Variants in CNTLN observed in about 807,000 individuals in gnomAD.
CNTLN encodes the protein centlein, centrosomal protein.
In CNTLN, 212 loss-of-function variants were observed where a neutral mutation model predicts 180.0. The observed-to-expected ratio is 1.18, with a 90% CI of 1.05 to 1.32. The LOEUF (loss-of-function observed/expected upper bound fraction) is 1.32. Ranked by LOEUF, CNTLN falls within the 40% of genes most tolerant of loss-of-function variation. The probability of loss-of-function intolerance (pLI) is 0.00; values close to 1 mark genes in which losing one functional copy is unlikely to be tolerated. For synonymous variants in CNTLN, 722 were observed against 563.1 expected, an observed-to-expected ratio of 1.28 and a Z score of -3.99; for missense variants, 2,095 against 1,610.9, an observed-to-expected ratio of 1.30 and a Z score of -5.14.
In CNTLN at chr9:17,231,421, C is replaced by CT. The variant is rs533136705; in HGVS notation, c.535-4230dup. 1.1e-4 allele frequency among the ~76,000 whole-genome samples: 17 copies of CT among 151,718 alleles called. No individual in the cohort carries two copies. The South Asian group carries it at 2.3e-3, about 20-fold the overall frequency. The stretch of plus-strand genomic sequence containing the variant: ...AATAATTATTAGTATAAAGAATTGC[C>CT]TTTTTTTGGGTAAGACTATGTTTTA... On this transcript the variant is annotated intron_variant, in intron 3 of 25. Transcript: ENST00000380647.
chr9:17,368,363 T>C (rs1445015297), intron 13 of CNTLN, among the ~76,000 whole-genome samples: 1 of 152,132 alleles, frequency 6.6e-6, no homozygotes, highest in Non-Finnish European at 1.5e-5. Flanking sequence ...TAAGGTTTTT[T>C]ACTCTACTCC....
At chr9:17,334,342 G>A (rs1396922124) in intron 10 of CNTLN, among the ~76,000 whole-genome samples, 1 of 152,036 alleles carries the variant, frequency 6.6e-6, no homozygotes, top group East Asian at 1.9e-4. Flanking sequence ...TTACAGGCGC[G>A]AGCCGCTGCT....
At chr9:17,266,161 T>C (rs1827422517) in intron 5 of CNTLN, among the ~76,000 whole-genome samples, 2 of 151,924 alleles carry the variant, frequency 1.3e-5, no homozygotes, top group Admixed American at 6.6e-5. Context: ...TCCTGCTTTC[T>C]CTTTTGGGCA....
intron 19 of CNTLN, among the ~76,000 whole-genome samples, chr9:17,459,511 C>A (rs529544681): frequency 2.6e-5 from 4 of 151,868 alleles, no homozygotes; most frequent in African/African-American, 9.6e-5. Flanking sequence ...CCTAGAAGAC[C>A]AAGTACCTTT....
chr9:17,319,336 T>C (rs1021139112), intron 8 of CNTLN, among the ~76,000 whole-genome samples: 1 of 152,226 alleles, frequency 6.6e-6, no homozygotes, highest in Admixed American at 6.5e-5. Flanking sequence ...TCTGCATTTC[T>C]GTCATGTTCC....
intron 6 of CNTLN, among the ~76,000 whole-genome samples, chr9:17,291,107 T>C (rs1483034576): frequency 6.6e-6 from 1 of 152,168 alleles, no homozygotes; most frequent in Non-Finnish European, 1.5e-5. Context: ...CATGTAGTTG[T>C]GTGGTTTGAG....
intron 2 of CNTLN, among the ~76,000 whole-genome samples, chr9:17,153,492 C>A (rs1425226924): frequency 6.6e-6 from 1 of 152,226 alleles, no homozygotes; most frequent in Non-Finnish European, 1.5e-5. Context: ...CCTTAACTCT[C>A]TTCTGGCTTG....
At chr9:17,240,545 T>G (rs985454320) in intron 5 of CNTLN, among the ~76,000 whole-genome samples, 4 of 152,148 alleles carry the variant, frequency 2.6e-5, no homozygotes, top group Non-Finnish European at 5.9e-5. Flanking sequence ...TATTTGCCAT[T>G]TGTTTGTCTT....
At chr9:17,227,491 T>G (rs1292625451) in intron 3 of CNTLN, among the ~76,000 whole-genome samples, 1 of 152,046 alleles carries the variant, frequency 6.6e-6, no homozygotes, top group East Asian at 1.9e-4. Flanking sequence ...TAAATTCATT[T>G]TATACTCAAG....
intron 8 of CNTLN, among the ~76,000 whole-genome samples, chr9:17,317,294 A>T (rs948779037): frequency 1.3e-5 from 2 of 152,216 alleles, no homozygotes; most frequent in African/African-American, 2.4e-5. Flanking sequence ...AATGGCTCTC[A>T]TGTTATATGG....
intron 6 of CNTLN, among the ~76,000 whole-genome samples, chr9:17,294,163 G>A (rs1371605855): frequency 6.6e-6 from 1 of 151,774 alleles, no homozygotes; most frequent in East Asian, 1.9e-4. Flanking sequence ...AAGGCAGTGT[G>A]GATCCAAAGA....
At chr9:17,443,025 C>T (rs1830197270) in intron 18 of CNTLN, among the ~76,000 whole-genome samples, 3 of 151,236 alleles carry the variant, frequency 2.0e-5, no homozygotes, top group African/African-American at 7.4e-5. Flanking sequence ...TGAAACAGTT[C>T]TGTTAAAAGG....
intron 6 of CNTLN, among the ~76,000 whole-genome samples, 183 bp downstream of exon 6, chr9:17,274,049 T>G (rs1394518554): frequency 6.6e-6 from 1 of 152,044 alleles, no homozygotes; most frequent in African/African-American, 2.4e-5. Flanking sequence ...GAAGAATGAG[T>G]GGGTCTACAG....
At chr9:17,431,491 C>G (rs1372697) in intron 18 of CNTLN, among the ~76,000 whole-genome samples, 117,260 of 151,984 alleles carry the variant, frequency 0.77, 46,759 homozygotes, top group Non-Finnish European at 0.87. Flanking sequence ...TCATTATTTA[C>G]GTTGTCTCTT....
intron 5 of CNTLN, among the ~76,000 whole-genome samples, chr9:17,257,114 T>C (rs1826556921): frequency 6.6e-6 from 1 of 152,032 alleles, no homozygotes; most frequent in African/African-American, 2.4e-5. Flanking sequence ...CTCCTAATGC[T>C]ATCCCTCCCC....
intron 13 of CNTLN, among the ~76,000 whole-genome samples, chr9:17,383,643 A>ATT (rs879287408): frequency 6.8e-6 from 1 of 147,610 alleles, no homozygotes; most frequent in African/African-American, 2.5e-5. Context: ...CGTAACATGA[A>ATT]TTTTTTTTTT....
chr9:17,281,551 C>G (rs1457367624), intron 6 of CNTLN, among the ~76,000 whole-genome samples: 3 of 152,050 alleles, frequency 2.0e-5, no homozygotes, highest in African/African-American at 4.8e-5. Context: ...GTTTTGTGTT[C>G]CTGCGTTAGT....
chr9:17,159,724 G>A (rs1320253071), intron 2 of CNTLN, among the ~76,000 whole-genome samples: 1 of 152,112 alleles, frequency 6.6e-6, no homozygotes, highest in Admixed American at 6.5e-5. Context: ...TGTCTGGAAT[G>A]GAGACTACAC....
chr9:17,440,045 T>G (rs921613221), intron 18 of CNTLN, among the ~76,000 whole-genome samples: 1 of 152,070 alleles, frequency 6.6e-6, no homozygotes, highest in Non-Finnish European at 1.5e-5. Context: ...CTGTAGAAAG[T>G]AAAAATGCAG....
Sources: allele counts gnomAD v4.1 joint callset (sites outside exome capture counted in the v4.1 genomes callset), GRCh38; gene constraint gnomAD v4.1.1; transcripts MANE v1.5; gene names NCBI Gene and HGNC (gene_info 2026-07-23, HGNC 2026-07-21).